Variants in ADD3 observed in about 807,000 individuals in gnomAD.
The protein encoded by ADD3 is adducin 3.
In ADD3, 25 loss-of-function variants were observed where a neutral mutation model predicts 80.2. The ratio of observed to expected loss-of-function variants is 0.31; its 90% CI spans 0.23 to 0.44. The LOEUF (loss-of-function observed/expected upper bound fraction) is 0.44. ADD3 is among the 20% of genes least tolerant of loss of function. The pLI, the probability that ADD3 is intolerant of heterozygous loss-of-function variation, is 1.00. For missense variants in ADD3, 829 were observed against 847.5 expected (o/e 0.98, Z 0.27); for synonymous variants, 284 against 289.6 (o/e 0.98, Z 0.20).
At chr10:110,037,541 G>A (rs992957666) in intron 1 of ADD3, among the ~76,000 whole-genome samples, 1 of 149,902 alleles carries the variant, frequency 6.7e-6, no homozygotes, top group Non-Finnish European at 1.5e-5. Context: ...GGAGACGGAG[G>A]TTGCAGTGAG....
chr10:110,085,000 C>T (rs1249422636), intron 1 of ADD3, among the ~76,000 whole-genome samples: 2 of 152,166 alleles, frequency 1.3e-5, no homozygotes, highest in Admixed American at 6.5e-5. Context: ...CAGCAGTGGA[C>T]TGGAGACTTG....
intron 2 of ADD3, among the ~76,000 whole-genome samples, chr10:110,111,586 A>G (rs1564997860): frequency 6.6e-6 from 1 of 152,316 alleles, no homozygotes; most frequent in East Asian, 1.9e-4. Context: ...ACAGAACTCC[A>G]GAATAGGAAC....
chr10:110,029,913 C>T (rs1272058517), intron 1 of ADD3, among the ~76,000 whole-genome samples: 3 of 152,106 alleles, frequency 2.0e-5, no homozygotes, highest in Non-Finnish European at 4.4e-5. Flanking sequence ...TGCCCAGACT[C>T]GTACTTTATT....
At chr10:110,112,626 AT>A in intron 2 of ADD3, 150 bp from the exon 3 acceptor site, 1 of 919,354 alleles carries the variant, frequency 1.1e-6, no homozygotes, top group Non-Finnish European at 1.6e-6. Context: ...CAGTGCTTTG[AT>A]TTTATTATTT....
At chr10:110,105,142 G>A (rs577356499) in intron 2 of ADD3, among the ~76,000 whole-genome samples, 1 of 152,018 alleles carries the variant, frequency 6.6e-6, no homozygotes, top group East Asian at 1.9e-4. Context: ...TGGCCCTCAG[G>A]TATTACTTAT....
intron 1 of ADD3, among the ~76,000 whole-genome samples, chr10:110,072,905 T>A (rs1317774966): frequency 1.3e-5 from 2 of 152,072 alleles, no homozygotes; most frequent in East Asian, 3.9e-4. Context: ...CTCACACAAC[T>A]CTTACACCTT....
Position 110,117,354 on chromosome 10 carries a change from A to G in ADD3, c.499A>G (p.Lys167Glu). The G allele has an allele frequency of 6.3e-7, 1 of 1,592,208 alleles. No homozygotes were observed. Reference sequence around the variant, plus strand: ...TTTTTTTTTCCAGGTAAGAATAAGTAAGGAGCAAGACCACATTATAATAAT... The same window carrying G: ...TTTTTTTTTCCAGGTAAGAATAAGTGAGGAGCAAGACCACATTATAATAAT... ...ANTYISVRIS[K>E]EQDHIIIIPR... The change falls in exon 5 of 15, where the codon AAG (lysine) becomes GAG (glutamate). Residue 167 changes from lysine (K) to glutamate (E), a missense_variant. Transcript: ENST00000356080.
At chr10:110,117,493 G>T in intron 5 of ADD3, 71 bp downstream of exon 5, 1 of 898,792 alleles carries the variant, frequency 1.1e-6, no homozygotes. Flanking sequence ...TTAGCTTTTA[G>T]CACAGGACAG....
intron 1 of ADD3, among the ~76,000 whole-genome samples, chr10:110,012,653 C>CT (rs1481984260): frequency 1.3e-5 from 2 of 152,190 alleles, no homozygotes; most frequent in East Asian, 3.9e-4. Context: ...GCTTACTGTT[C>CT]TTGTAAGTTT....
chr10:110,056,505 T>A (rs1284330757), intron 1 of ADD3, among the ~76,000 whole-genome samples: 9 of 152,232 alleles, frequency 5.9e-5, no homozygotes, highest in African/African-American at 2.2e-4. Context: ...GGGTTTTTTC[T>A]CCTTATCACA....
At chr10:110,073,801 G>T (rs1845058820) in intron 1 of ADD3, among the ~76,000 whole-genome samples, 1 of 152,152 alleles carries the variant, frequency 6.6e-6, no homozygotes, top group African/African-American at 2.4e-5. Context: ...TCTAAGCTCT[G>T]TGCTATCTGT....
chr10:110,048,148 C>T (rs1458729910), intron 1 of ADD3, among the ~76,000 whole-genome samples: 1 of 152,082 alleles, frequency 6.6e-6, no homozygotes, highest in Non-Finnish European at 1.5e-5. Context: ...AAGGGGTTTC[C>T]CCTTTCGCTT....
intron 4 of ADD3, among the ~76,000 whole-genome samples, 159 bp downstream of exon 4, chr10:110,116,569 G>A (rs905112475): frequency 6.6e-6 from 1 of 152,120 alleles, no homozygotes; most frequent in African/African-American, 2.4e-5. Context: ...ATACCCAAGG[G>A]AGAGGCTCCA....
chr10:110,034,562 G>T (rs530460225), intron 1 of ADD3, among the ~76,000 whole-genome samples: 478 of 152,110 alleles, frequency 3.1e-3, no homozygotes, highest in Non-Finnish European at 5.7e-3. Flanking sequence ...GAAAACCAAA[G>T]ATTTCAATAG....
intron 5 of ADD3, among the ~76,000 whole-genome samples, chr10:110,118,019 TACACACACACACACACACACACAC>T (rs148105742): frequency 3.4e-4 from 43 of 125,692 alleles, no homozygotes; most frequent in Middle Eastern, 3.8e-3. Context: ...CTGTCTTCAA[TACACACACACACACACACACACAC>T]ACACACACAC....
intron 2 of ADD3, among the ~76,000 whole-genome samples, chr10:110,109,203 A>C (rs1417204186): frequency 6.6e-6 from 1 of 151,764 alleles, no homozygotes; most frequent in East Asian, 1.9e-4. Context: ...ATAAATTGTG[A>C]TTCTCTTGAG....
chr10:110,111,368 CAAACTT>C (rs1200058369), intron 2 of ADD3, among the ~76,000 whole-genome samples: 3 of 152,306 alleles, frequency 2.0e-5, no homozygotes, highest in Admixed American at 6.5e-5. Context: ...GAACAAATGA[CAAACTT>C]AATAAGTGTT....
intron 1 of ADD3, among the ~76,000 whole-genome samples, chr10:110,047,668 G>C (rs895769062): frequency 5.3e-5 from 8 of 152,152 alleles, no homozygotes; most frequent in Admixed American, 3.9e-4. Flanking sequence ...GTATGACTTA[G>C]GAAAATAAGG....
chr10:110,075,800 A>G (rs921607103), intron 1 of ADD3: 1 of 152,236 alleles, frequency 6.6e-6, no homozygotes, highest in East Asian at 1.9e-4. Flanking sequence ...GGTTGAAAAA[A>G]TAAATCATGC....
Sources: allele counts gnomAD v4.1 joint callset (sites outside exome capture counted in the v4.1 genomes callset), GRCh38; gene constraint gnomAD v4.1.1; transcripts MANE v1.5; gene names NCBI Gene and HGNC (gene_info 2026-07-23, HGNC 2026-07-21).